PKD1L3: variants seen among roughly 807,000 people sequenced by gnomAD.
PKD1L3 encodes polycystin-1-like protein 3.
Under a neutral mutation model 184.1 loss-of-function variants are expected in PKD1L3, and 239 were observed. The observed-to-expected ratio is 1.30, with a 90% CI of 1.17 to 1.45. PKD1L3 has a LOEUF of 1.45. Ranked by LOEUF, PKD1L3 falls within the 40% of genes most tolerant of loss-of-function variation. The pLI is 0.00. For synonymous variants in PKD1L3, 996 were observed against 778.8 expected (o/e 1.28, Z -4.64); for missense variants, 2,660 against 2,067.2 (o/e 1.29, Z -5.56).
rs2040373918 is a variant in PKD1L3, at chr16:71,986,545, A to C, written c.586-76T>G. The C allele has an allele frequency of 2.8e-6, 4 of 1,434,122 alleles. No homozygotes were observed. In the East Asian group the frequency reaches 7.5e-5, roughly 27 times the overall value. The allele number at this position is 1,434,122 out of a possible 1,614,324, so 88.8% of individuals were successfully genotyped here. On this transcript the variant is annotated intron_variant, in intron 4 of 29. Transcript: ENST00000620267. Reference sequence around the variant, plus strand: ...TTATAATTAAGGCAGCATTTCCCCAAATACTCTGAAACTCTGTCCTATGAG... The same window carrying C: ...TTATAATTAAGGCAGCATTTCCCCACATACTCTGAAACTCTGTCCTATGAG...
rs761623878 is a variant in PKD1L3 at position 71,986,324 on chromosome 16, G to A, written c.731C>T (p.Ala244Val). Residue 244 changes from alanine to valine, a missense_variant, in exon 5 of 30, where the codon GCT becomes GTT. Transcript: ENST00000620267. ...AGTTGTTTCTGCCAGAGATTGCCCA[G>A]CATGCGTGACAGACACGGGCATGGT... Reference protein sequence around the residue: ...QLTMPVSVTHAGQSLAETTSS... With the variant: ...QLTMPVSVTHVGQSLAETTSS... 481 of 1,552,022 alleles carry A rather than the reference G, an allele frequency of 3.1e-4. No homozygotes were observed. The highest frequency in any genetic ancestry group is 4.0e-4 in the Non-Finnish European group (461 of 1,147,104).
At chr16:71,964,309 C>CTTTTTTTTTT (rs772995457) in intron 15 of PKD1L3, among the ~76,000 whole-genome samples, 2 of 56,658 alleles carry the variant, frequency 3.5e-5, no homozygotes, top group African/African-American at 1.4e-4. Context: ...TCGTCAAAAT[C>CTTTTTTTTTT]TTTTTTTTTT....
intron 23 of PKD1L3, 137 bp downstream of exon 23, chr16:71,943,893 A>G: frequency 9.3e-7 from 1 of 1,072,244 alleles, no homozygotes; most frequent in Non-Finnish European, 1.3e-6. Flanking sequence ...GCTTTACTGG[A>G]ATCCCAAATC....
At chr16:71,995,034 G>C (rs1453621090) in intron 2 of PKD1L3, among the ~76,000 whole-genome samples, 1 of 152,096 alleles carries the variant, frequency 6.6e-6, no homozygotes, top group East Asian at 1.9e-4. Context: ...AATTGCTTTA[G>C]TCTGTTTTGC....
In PKD1L3 at chr16:71,982,130, A is replaced by G; in HGVS notation, c.1072T>C (p.Phe358Leu). Residue 358 changes from phenylalanine (F) to leucine (L), a missense_variant, in exon 7 of 30, where the codon TTT (phenylalanine) becomes CTT (leucine). Phe to Leu is a conservative substitution (Grantham distance 22). Coordinates refer to ENST00000620267, the MANE Select transcript of PKD1L3 (RefSeq NM_181536.2). ...TTGGTGACATTGTTGAGGGAATGAA[A>G]GGGGCAGACAGTTGGAGGAACTTTG... Reference protein sequence around the residue: ...GFKVPPTVCPFHSLNNVTKAG... With the variant: ...GFKVPPTVCPLHSLNNVTKAG... 1 of 1,551,928 alleles carries G rather than the reference A, an allele frequency of 6.4e-7. No individual in the cohort carries two copies. Among genetic ancestry groups the G allele is most frequent in the Non-Finnish European group, 8.7e-7 (1 of 1,147,036 alleles).
At chr16:71,998,218 TAG>T in intron 2 of PKD1L3, 52 bp downstream of exon 2, 1 of 1,547,114 alleles carries the variant, frequency 6.5e-7, no homozygotes, top group African/African-American at 1.4e-5. Context: ...ACTCCTTATT[TAG>T]AATCAGTTTC....
At chr16:71,956,208 T>G (rs893132820) in intron 16 of PKD1L3, among the ~76,000 whole-genome samples, 3 of 128,276 alleles carry the variant, frequency 2.3e-5, no homozygotes, top group Non-Finnish European at 3.5e-5. Context: ...TTTTTTTTTT[T>G]GTGAGATGGA....
At chr16:71,981,545 T>C (rs1448990621) in intron 7 of PKD1L3, among the ~76,000 whole-genome samples, 1 of 144,462 alleles carries the variant, frequency 6.9e-6, no homozygotes, top group East Asian at 2.0e-4. Flanking sequence ...CTTTTTTTTT[T>C]TTTTTTTTTT....
At chr16:71,930,226 T>G (rs2037889940) in intron 28 of PKD1L3, 43 bp from the exon 29 acceptor site, 1 of 1,500,556 alleles carries the variant, frequency 6.7e-7, no homozygotes, top group African/African-American at 1.4e-5. Flanking sequence ...GACAATTTAG[T>G]TTATACTTTA....
rs1820573342 is a variant in PKD1L3 at position 71,978,261 on chromosome 16, G to A, written c.1521C>T (p.Asp507=). The change falls in exon 10 of 30, where the codon GAC becomes GAT. Residue 507 remains aspartate (D), a synonymous_variant. Coordinates refer to ENST00000620267, the MANE Select transcript of PKD1L3 (RefSeq NM_181536.2). ...CCTAAGAATCAGTTCCTACCTCAAT[G>A]TCCTCCATTAAATCATGGACTTGGA... ...KLLQVHDLME[D]IEIMLWRNVS... 1 of 1,548,794 alleles carries A rather than the reference G, an allele frequency of 6.5e-7. No individual in the cohort carries two copies. Among genetic ancestry groups the A allele is most frequent in the African/African-American group, 1.4e-5 (1 of 72,864 alleles).
At position 71,933,996 on chromosome 16, in the gene PKD1L3, G is replaced by A; in HGVS notation, c.4743C>T (p.Ser1581=). ...LRHSPRLRVI[S]RTLSRAWDEV... is the part of the protein sequence containing the mutation. ...CGTCCCAGGCTCGGCTCAGTGTCCT[G>A]CTGATGACCCGCAGCCTGGGGCTAT... The change falls in exon 27 of 30, where the codon AGC becomes AGT. Residue 1581 remains serine, a synonymous_variant. Coordinates refer to ENST00000620267, the MANE Select transcript of PKD1L3 (RefSeq NM_181536.2). 6.4e-7 allele frequency: 1 copy of A among 1,551,690 alleles called. No individual in the cohort carries two copies. The highest frequency in any genetic ancestry group is 8.7e-7 in the Non-Finnish European group (1 of 1,146,996).
chr16:71,993,099 G>A, intron 3 of PKD1L3, 117 bp downstream of exon 3: 1 of 697,390 alleles, frequency 1.4e-6, no homozygotes, highest in Admixed American at 3.4e-5. Context: ...AGAATAGAAT[G>A]CAACGAATAT....
chr16:71,945,441 G>T (rs1461738015), intron 22 of PKD1L3, among the ~76,000 whole-genome samples: 1 of 147,806 alleles, frequency 6.8e-6, no homozygotes, highest in Non-Finnish European at 1.5e-5. Context: ...TGTATTGGGA[G>T]GCCAAGGAGG....
At chr16:71,999,649 G>T (rs1236322825) in intron 1 of PKD1L3, 35 bp downstream of exon 1, 15 of 1,423,946 alleles carry the variant, frequency 1.1e-5, no homozygotes, top group Non-Finnish European at 1.3e-5. Context: ...ATATAAGGAA[G>T]TTTCCTTCAT....
intron 1 of PKD1L3, among the ~76,000 whole-genome samples, chr16:71,998,783 C>T (rs560477807): frequency 1.3e-5 from 2 of 152,012 alleles, no homozygotes; most frequent in Non-Finnish European, 2.9e-5. Flanking sequence ...AATATGAAAG[C>T]CAAATTTGAC....
rs1454225366 is a variant in PKD1L3, at chr16:71,999,751, T to G, written c.228A>C (p.Glu76Asp). 3 of 1,551,674 alleles carry G rather than the reference T, an allele frequency of 1.9e-6. No homozygotes were observed. In the African/African-American group the frequency reaches 4.1e-5, roughly 21 times the overall value. The change falls in exon 1 of 30, where the codon GAA (glutamate) becomes GAC (aspartate). Residue 76 changes from glutamate (E) to aspartate (D), a missense_variant. Transcript: ENST00000620267. ...TTTGCCCAATCCACCACTTCTTTCC[T>G]TCTTCCAGATAGTCCCGGATGAGAT... ...VQDLIRDYLE[E>D]GKKWWIGQNV...
At chr16:71,965,372 TTTTG>T (rs1267888717) in intron 15 of PKD1L3, among the ~76,000 whole-genome samples, 1 of 152,140 alleles carries the variant, frequency 6.6e-6, no homozygotes, top group African/African-American at 2.4e-5. Context: ...GGACACATGT[TTTTG>T]TTTATCTTGG....
intron 9 of PKD1L3, among the ~76,000 whole-genome samples, chr16:71,979,371 G>A (rs1282196846): frequency 2.0e-5 from 3 of 152,144 alleles, no homozygotes; most frequent in African/African-American, 7.2e-5. Context: ...TTGAACCTGG[G>A]AGGCAGAGGT....
At chr16:71,990,902 T>C (rs145046076) in intron 3 of PKD1L3, among the ~76,000 whole-genome samples, 31 of 152,162 alleles carry the variant, frequency 2.0e-4, no homozygotes, top group African/African-American at 6.5e-4. Context: ...TGTTAATACA[T>C]CCTTAATAAG....
Sources: gnomAD v4.1 joint callset for allele counts (sites outside exome capture counted in the v4.1 genomes callset) on GRCh38, gnomAD v4.1.1 for gene constraint, MANE v1.5 for transcripts, NCBI Gene and HGNC (gene_info 2026-07-23, HGNC 2026-07-21) for gene names.